Variants in DHTKD1 observed in about 807,000 individuals in gnomAD.
DHTKD1 encodes 2-oxoadipate dehydrogenase complex component E1.
Under a neutral mutation model 101.8 loss-of-function variants are expected in DHTKD1, and 78 were observed. That is an observed-to-expected ratio of 0.77 (90% confidence interval 0.64 to 0.93). DHTKD1 has a LOEUF of 0.93. Among genes scored for constraint, DHTKD1 ranks in the 40% least tolerant of loss-of-function variants. DHTKD1 has a pLI of 0.00. For missense variants in DHTKD1, 1,223 were observed against 1,161.7 expected, an observed-to-expected ratio of 1.05 and a Z score of -0.77; for synonymous variants, 462 against 450.3, an observed-to-expected ratio of 1.03 and a Z score of -0.33.
intron 12 of DHTKD1, among the ~76,000 whole-genome samples, chr10:12,109,788 A>T (rs573294739): frequency 6.6e-6 from 1 of 151,808 alleles, no homozygotes; most frequent in East Asian, 1.9e-4. Context: ...ACATAGTGAG[A>T]CCCTGTCTCT....
intron 2 of DHTKD1, among the ~76,000 whole-genome samples, chr10:12,083,247 A>T (rs1832850483): frequency 1.3e-5 from 2 of 152,100 alleles, no homozygotes; most frequent in Admixed American, 1.3e-4. Context: ...TGGGCCATAC[A>T]TAAAATACAC....
chr10:12,091,173 G>A (rs567493652), intron 5 of DHTKD1, among the ~76,000 whole-genome samples: 1 of 152,224 alleles, frequency 6.6e-6, no homozygotes, highest in Admixed American at 6.5e-5. Context: ...CACTTTGGGA[G>A]GCCAAGGAGG....
intron 15 of DHTKD1, among the ~76,000 whole-genome samples, chr10:12,119,471 C>G (rs1339260127): frequency 6.6e-6 from 1 of 150,906 alleles, no homozygotes; most frequent in Non-Finnish European, 1.5e-5. Flanking sequence ...AAAAAATTAG[C>G]CGGGCGTGGT....
At chr10:12,074,647 C>T (rs1351453354) in intron 1 of DHTKD1, among the ~76,000 whole-genome samples, 3 of 83,956 alleles carry the variant, frequency 3.6e-5, no homozygotes, top group African/African-American at 1.4e-4. Context: ...CGTGAGCTAC[C>T]GCGGGTCTTG....
rs1380537741 is a variant in DHTKD1 at position 12,103,935 on chromosome 10, CACT to C, written c.1897-2309_1897-2307del. 6.6e-6 allele frequency among the ~76,000 whole-genome samples: 1 copy of C among 152,084 alleles called. No individual in the cohort carries two copies. On this transcript the variant is annotated intron_variant, in intron 10 of 16. Transcript: ENST00000263035. The surrounding 1 kb of genome is among the most constrained non-coding windows in gnomAD (Gnocchi z 4.8). ...ATTCACAGAGTTGTGTAATCATCAC[CACT>C]ATCTAATTTTAGAACATTTTCATTA...
At chr10:12,119,442 C>A (rs185954561) in intron 15 of DHTKD1, among the ~76,000 whole-genome samples, 2 of 150,880 alleles carry the variant, frequency 1.3e-5, no homozygotes, top group African/African-American at 2.4e-5. Flanking sequence ...AGTGAAACCC[C>A]GTCTCTACTG....
intron 3 of DHTKD1, among the ~76,000 whole-genome samples, chr10:12,086,682 A>T (rs1832907751): frequency 6.6e-6 from 1 of 152,024 alleles, no homozygotes; most frequent in Admixed American, 6.6e-5. Flanking sequence ...TACTGTCACC[A>T]TTCAGGGCTA....
Position 12,094,172 on chromosome 10 carries a change from G to C in DHTKD1, c.1259G>C (p.Arg420Pro), listed in dbSNP as rs200039178. 2.9e-5 allele frequency: 46 copies of C among 1,614,026 alleles called. No individual in the cohort carries two copies. The highest frequency in any genetic ancestry group is 3.8e-5 in the Non-Finnish European group (45 of 1,180,032). ...RLAFEYQRQF[R>P]KDVIIDLLCY... Reference sequence around the variant, plus strand: ...GCTTTTGAATACCAACGCCAGTTCCGCAAGGATGTGATTATTGATCTGTTG... The same window carrying C: ...GCTTTTGAATACCAACGCCAGTTCCCCAAGGATGTGATTATTGATCTGTTG... The change falls in exon 7 of 17, where the codon CGC (arginine) becomes CCC (proline). Residue 420 changes from arginine (R) to proline (P), a missense_variant. Physicochemically the swap from Arg to Pro is moderately radical, Grantham distance 103. Coordinates refer to ENST00000263035, the MANE Select transcript of DHTKD1 (RefSeq NM_018706.7).
At chr10:12,095,390 T>C (rs1427855669) in intron 7 of DHTKD1, among the ~76,000 whole-genome samples, 4 of 152,172 alleles carry the variant, frequency 2.6e-5, no homozygotes, top group Non-Finnish European at 5.9e-5. Flanking sequence ...AAATATGTTA[T>C]TGAAATGCCG....
intron 3 of DHTKD1, among the ~76,000 whole-genome samples, chr10:12,086,394 G>A (rs919430516): frequency 6.6e-6 from 1 of 150,588 alleles, no homozygotes; most frequent in East Asian, 2.0e-4. Flanking sequence ...CTAATTTTTT[G>A]TATTTTTAGT....
Position 12,093,508 on chromosome 10 carries a change from CAG to C in DHTKD1, c.1160-564_1160-563del, listed in dbSNP as rs200830229. On this transcript the variant is annotated intron_variant, in intron 6 of 16. Transcript: ENST00000263035. The stretch of plus-strand genomic sequence containing the variant: ...GAAATTGGTCATCTTAAGATAAAGA[CAG>C]TGCTGTTATTACCCATTCCCAGTTT... Among the ~76,000 whole-genome samples, 301 of 152,272 alleles carry C rather than the reference CAG, an allele frequency of 2.0e-3. 5 individuals are homozygous for C. In the South Asian group the frequency reaches 0.037, roughly 19 times the overall value.
At chr10:12,105,383 A>C (rs1405719785) in intron 10 of DHTKD1, among the ~76,000 whole-genome samples, 1 of 151,912 alleles carries the variant, frequency 6.6e-6, no homozygotes, top group Non-Finnish European at 1.5e-5. Flanking sequence ...TGGTGCGATT[A>C]TAGCTCACTG....
intron 7 of DHTKD1, among the ~76,000 whole-genome samples, chr10:12,097,162 A>G (rs1322458795): frequency 6.6e-6 from 1 of 152,190 alleles, no homozygotes; most frequent in East Asian, 1.9e-4. Context: ...TAATGCGAAC[A>G]ACTCAGTGGC....
At chr10:12,088,940 A>C in intron 4 of DHTKD1, 46 bp from the exon 5 acceptor site, 1 of 1,558,428 alleles carries the variant, frequency 6.4e-7, no homozygotes, top group Non-Finnish European at 8.8e-7. Context: ...CCTAGACTCC[A>C]TTGTGATGAA....
rs1179088977 is a variant in DHTKD1, at chr10:12,069,086, C to T, written c.53C>T (p.Pro18Leu). ...CGACGGGGCCTCGGCCGGGCTCTCC[C>T]TCTCTTCTGGCGTGGCTACCAGACC... Reference protein sequence around the residue: ...AARRGLGRALPLFWRGYQTER... With the variant: ...AARRGLGRALLLFWRGYQTER... Residue 18 changes from proline to leucine, a missense_variant, in exon 1 of 17, where the codon CCT becomes CTT. Physicochemically the swap from Pro to Leu is moderately conservative, Grantham distance 98. Transcript: ENST00000263035. 4 of 1,612,850 alleles carry T rather than the reference C, an allele frequency of 2.5e-6. No homozygotes were observed. Among genetic ancestry groups the T allele is most frequent in the Non-Finnish European group, 3.4e-6 (4 of 1,179,608 alleles).
At chr10:12,113,702 G>A (rs952272564) in intron 13 of DHTKD1, among the ~76,000 whole-genome samples, 13 of 152,114 alleles carry the variant, frequency 8.5e-5, no homozygotes, top group Non-Finnish European at 8.8e-5. Flanking sequence ...TAGGCAAGAG[G>A]ATTGCTTGAG....
chr10:12,118,716 C>T (rs376863729), intron 14 of DHTKD1, 33 bp from the exon 15 acceptor site: 1 of 1,449,430 alleles, frequency 6.9e-7, no homozygotes, highest in Non-Finnish European at 9.1e-7. Flanking sequence ...AAAAATTTCT[C>T]CCCCACCCTA....
intron 3 of DHTKD1, among the ~76,000 whole-genome samples, chr10:12,085,623 C>T (rs1832885450): frequency 6.6e-6 from 1 of 152,062 alleles, no homozygotes; most frequent in Non-Finnish European, 1.5e-5. Context: ...TCGCGCCTGT[C>T]ATCCCAGCCC....
In DHTKD1 at chr10:12,116,540, A is replaced by G. The variant is rs193015443; in HGVS notation, c.2320-1133A>G. 2.3e-3 allele frequency among the ~76,000 whole-genome samples: 347 copies of G among 151,184 alleles called. 3 individuals are homozygous for G. The highest frequency in any genetic ancestry group is 3.1e-3 in the Non-Finnish European group (208 of 67,764). ...CCAGTAGCTGGGATTACAGGCATGC[A>G]CCACCACGCCCAGCTAACTTTTATA... On this transcript the variant is annotated intron_variant, in intron 13 of 16. Coordinates refer to ENST00000263035, the MANE Select transcript of DHTKD1 (RefSeq NM_018706.7).
Sources: allele counts gnomAD v4.1 joint callset (sites outside exome capture counted in the v4.1 genomes callset), GRCh38; gene constraint gnomAD v4.1.1; non-coding constraint Gnocchi (gnomAD v3.1); transcripts MANE v1.5; gene names NCBI Gene and HGNC (gene_info 2026-07-23, HGNC 2026-07-21).